The following GTF3C1 variants were observed in gnomAD, a reference collection of about 807,000 sequenced individuals.
GTF3C1 encodes general transcription factor 3C polypeptide 1.
GTF3C1 carries 57 observed loss-of-function variants against 226.7 expected under a neutral mutation model. The ratio of observed to expected loss-of-function variants is 0.25; its 90% CI spans 0.20 to 0.31. GTF3C1 has a LOEUF of 0.31. GTF3C1 is among the 10% of genes least tolerant of loss of function. The pLI is 1.00. For missense variants in GTF3C1, 2,217 were observed against 2,776.1 expected (o/e 0.80, Z 4.53); for synonymous variants, 1,090 against 1,084.8 (o/e 1.00, Z -0.09).
chr16:27,545,747 C>T (rs2089153248), intron 1 of GTF3C1, among the ~76,000 whole-genome samples: 1 of 152,230 alleles, frequency 6.6e-6, no homozygotes, highest in African/African-American at 2.4e-5. Context: ...AAGCTGGGTG[C>T]TGGGACCTAA....
chr16:27,546,469 CAAGTT>C (rs1479184892), intron 1 of GTF3C1, among the ~76,000 whole-genome samples: 4 of 118,216 alleles, frequency 3.4e-5, no homozygotes, highest in Non-Finnish European at 6.7e-5. Flanking sequence ...CCAAGCTTGT[CAAGTT>C]TTTTTTTTTT....
chr16:27,488,123 C>T (rs900538061), intron 23 of GTF3C1, 104 bp downstream of exon 23: 10 of 944,958 alleles, frequency 1.1e-5, no homozygotes, highest in East Asian at 2.4e-5. Context: ...GGCGGAAACC[C>T]GTGCTGAAGG....
chr16:27,478,599 C>T, intron 27 of GTF3C1, 68 bp from the exon 28 acceptor site: 3 of 1,036,830 alleles, frequency 2.9e-6, no homozygotes, highest in Admixed American at 3.4e-5. Context: ...CGGATGCTGG[C>T]TCAAGATGGC....
At chr16:27,510,836 C>T (rs551645220) in intron 7 of GTF3C1, among the ~76,000 whole-genome samples, 1 of 152,316 alleles carries the variant, frequency 6.6e-6, no homozygotes, top group South Asian at 2.1e-4. Context: ...TTTCTTTGCC[C>T]ATTCATCATA....
chr16:27,533,473 A>G, intron 4 of GTF3C1, 86 bp from the exon 5 acceptor site: 1 of 738,290 alleles, frequency 1.4e-6, no homozygotes, highest in South Asian at 1.5e-5. Context: ...TGACAAAGCA[A>G]GACTTGACTT....
intron 29 of GTF3C1, among the ~76,000 whole-genome samples, chr16:27,474,666 A>G (rs954601895): frequency 6.6e-6 from 1 of 152,192 alleles, no homozygotes; most frequent in African/African-American, 2.4e-5. Context: ...ACTTCACCCA[A>G]TACTATTTAT....
chr16:27,539,764 G>A (rs1236817178), intron 2 of GTF3C1, among the ~76,000 whole-genome samples: 2 of 152,176 alleles, frequency 1.3e-5, no homozygotes, highest in Non-Finnish European at 2.9e-5. Flanking sequence ...ATACATTAAG[G>A]CTTTTATCGT....
chr16:27,528,824 A>T, intron 5 of GTF3C1, 103 bp from the exon 6 acceptor site: 1 of 1,154,900 alleles, frequency 8.7e-7, no homozygotes, highest in Non-Finnish European at 1.3e-6. Context: ...GAATTAATTG[A>T]TTATCTTGAG....
chr16:27,492,639 T>A lies in GTF3C1; in HGVS notation c.2951A>T (p.Glu984Val). 1 of 1,602,386 alleles carries A rather than the reference T, an allele frequency of 6.2e-7. No individual in the cohort carries two copies. The highest frequency in any genetic ancestry group is 8.6e-7 in the Non-Finnish European group (1 of 1,169,300). ...YMGLLQFGPT[E>V]KFQDKDQVFI... ...TACCTGATCTTTATCCTGAAACTTT[T>A]CCGTGGGACCAAACTGTAGCAGCCC... The change falls in exon 18 of 37, where the codon GAA (glutamate) becomes GTA (valine). Residue 984 changes from glutamate to valine, a missense_variant. By Grantham distance (121) the Glu-to-Val change is moderately radical (BLOSUM62 -2). Coordinates refer to ENST00000356183, the MANE Select transcript of GTF3C1 (RefSeq NM_001520.4). This position sits in a 1 kb window ranked among gnomAD's most constrained non-coding sequence, Gnocchi z 5.0.
At position 27,492,836 on chromosome 16, in the gene GTF3C1, G is replaced by T; in HGVS notation, c.2877-123C>A. The T allele has an allele frequency of 1.5e-6, 1 of 688,374 alleles. No homozygotes were observed. The allele number at this position is 688,374 out of a possible 1,614,324, so 42.6% of individuals were successfully genotyped here. ...CTTTTCCACCTGGTGGTCACTGGAG[G>T]ACCAGCCTCAAGCCCACACTGCACT... On this transcript the variant is annotated intron_variant, in intron 17 of 36. Transcript: ENST00000356183. This position sits in a 1 kb window ranked among gnomAD's most constrained non-coding sequence, Gnocchi z 5.0.
rs2088511463 is a variant in GTF3C1 at position 27,507,894 on chromosome 16, G to T, written c.1242+646C>A. Among the ~76,000 whole-genome samples, 2 of 152,390 alleles carry T rather than the reference G, an allele frequency of 1.3e-5. No individual in the cohort carries two copies. The highest frequency in any genetic ancestry group is 2.4e-5 in the African/African-American group (1 of 41,594). ...TGCATAAGAAGGAGGGCCAAGTGGGGATGGTGGAACCCTGGAGAGCACTGC... is the reference window on the plus strand; with the variant it reads ...TGCATAAGAAGGAGGGCCAAGTGGGTATGGTGGAACCCTGGAGAGCACTGC... On this transcript the variant is annotated intron_variant, in intron 8 of 36. Transcript: ENST00000356183. The surrounding 1 kb of genome is among the most constrained non-coding windows in gnomAD (Gnocchi z 4.9).
intron 4 of GTF3C1, among the ~76,000 whole-genome samples, chr16:27,537,224 A>T (rs1044342867): frequency 6.6e-6 from 1 of 152,156 alleles, no homozygotes; most frequent in Admixed American, 6.5e-5. Flanking sequence ...TTGTATTTTT[A>T]CATCTCCCCA....
intron 7 of GTF3C1, among the ~76,000 whole-genome samples, chr16:27,509,640 C>T (rs2088542526): frequency 6.6e-6 from 1 of 151,644 alleles, no homozygotes; most frequent in Admixed American, 6.6e-5. Flanking sequence ...CGCCTGTAGT[C>T]CCAGCTACTC....
At chr16:27,488,954 A>G in intron 21 of GTF3C1, 89 bp downstream of exon 21, 2 of 1,214,416 alleles carry the variant, frequency 1.6e-6, no homozygotes, top group Non-Finnish European at 2.4e-6. Flanking sequence ...AACGGAAGCC[A>G]GTATTTGTGT....
Position 27,492,215 on chromosome 16 carries a change from T to C in GTF3C1, c.3151+123A>G. 1.5e-6 allele frequency: 1 copy of C among 652,688 alleles called. No homozygotes were observed. 40.4% of individuals were successfully genotyped at this position (652,688 alleles called of 1,614,324 possible). A position where few individuals can be genotyped will look rare whatever the true frequency, so the allele number is the denominator to read the frequency against. On this transcript the variant is annotated intron_variant, in intron 19 of 36. Transcript: ENST00000356183. The surrounding 1 kb of genome is among the most constrained non-coding windows in gnomAD (Gnocchi z 5.0). ...GAGCCCCAGGGGTGCTCTGGGCCTC[T>C]GGGGAGCACTCGGAACATACCACTG...
intron 4 of GTF3C1, among the ~76,000 whole-genome samples, chr16:27,536,591 A>G (rs540685248): frequency 6.6e-6 from 1 of 152,218 alleles, no homozygotes; most frequent in Non-Finnish European, 1.5e-5. Context: ...GTCAATAAAG[A>G]GTCTACGCAC....
rs554977898 is a variant in GTF3C1 at position 27,493,371 on chromosome 16, C to T, written c.2779-75G>A. 7.8e-5 allele frequency: 62 copies of T among 791,582 alleles called. No individual in the cohort carries two copies. The Admixed American group carries it at 1.1e-3, about 14-fold the overall frequency. The allele number at this position is 791,582 out of a possible 1,614,324, so 49.0% of individuals were successfully genotyped here. On this transcript the variant is annotated intron_variant, in intron 16 of 36. Transcript: ENST00000356183. Reference sequence around the variant, plus strand: ...TGCAAGAATCTTGAAAAAGTGCTCGCCACTATTTTCTGACCATAGTCTCCC... The same window carrying T: ...TGCAAGAATCTTGAAAAAGTGCTCGTCACTATTTTCTGACCATAGTCTCCC...
At chr16:27,520,904 A>G (rs1338936515) in intron 6 of GTF3C1, among the ~76,000 whole-genome samples, 1 of 152,212 alleles carries the variant, frequency 6.6e-6, no homozygotes, top group Non-Finnish European at 1.5e-5. Context: ...TTTTTAGCAG[A>G]GATGGGGTTT....
chr16:27,536,442 C>T (rs984335066), intron 4 of GTF3C1, among the ~76,000 whole-genome samples: 3 of 152,116 alleles, frequency 2.0e-5, no homozygotes, highest in East Asian at 1.9e-4. Flanking sequence ...ACTAAAAATA[C>T]GAAAATTAGC....
Sources: gnomAD v4.1 joint callset for allele counts (sites outside exome capture counted in the v4.1 genomes callset) on GRCh38, gnomAD v4.1.1 for gene constraint, Gnocchi (gnomAD v3.1) non-coding constraint, MANE v1.5 for transcripts, NCBI Gene and HGNC (gene_info 2026-07-23, HGNC 2026-07-21) for gene names.